Variants in PRKCZ observed in about 807,000 individuals in gnomAD.
PRKCZ encodes the protein protein kinase C zeta, also known as protein kinase C zeta type.
PRKCZ carries 33 observed loss-of-function variants against 79.5 expected under a neutral mutation model. The observed-to-expected ratio is 0.41, with a 90% CI of 0.31 to 0.55. PRKCZ has a LOEUF of 0.55. Ranked by LOEUF, PRKCZ falls within the 20% of genes least tolerant of loss-of-function variation. PRKCZ has a pLI of 0.19. For missense variants in PRKCZ, 578 were observed against 813.5 expected (o/e 0.71, Z 3.52); for synonymous variants, 342 against 320.9 (o/e 1.07, Z -0.70).
rs140890348 is a variant in PRKCZ at position 2,184,669 on chromosome 1, C to G, written c.1662C>G (p.Ser554Arg). 1 of 1,613,836 alleles carries G rather than the reference C, an allele frequency of 6.2e-7. No individual in the cohort carries two copies. Among genetic ancestry groups the G allele is most frequent in the Non-Finnish European group, 8.5e-7 (1 of 1,179,936 alleles). Residue 554 changes from serine to arginine, a missense_variant, in exon 17 of 18, where the codon AGC becomes AGG. Ser to Arg is a moderately radical substitution (Grantham distance 110, BLOSUM62 -1). This residue lies in a region of PRKCZ where 243 missense variants were observed against 467.0 expected (regional missense o/e 0.52). Transcript: ENST00000378567. ...GLDNFDTQFT[S>R]EPVQLTPDDE... Reference sequence around the variant, plus strand: ...ACAACTTTGACACACAGTTCACCAGCGAGCCCGTGCAGCTGACCCCAGACG... The same window carrying G: ...ACAACTTTGACACACAGTTCACCAGGGAGCCCGTGCAGCTGACCCCAGACG...
chr1:2,105,929 C>T (rs558590172), intron 4 of PRKCZ, among the ~76,000 whole-genome samples: 1 of 152,320 alleles, frequency 6.6e-6, no homozygotes, highest in Admixed American at 6.5e-5. Context: ...GCCCCACCCC[C>T]CCACACACAC....
chr1:2,167,464 C>T (rs867565629), intron 10 of PRKCZ, among the ~76,000 whole-genome samples: 2 of 151,986 alleles, frequency 1.3e-5, no homozygotes, highest in Non-Finnish European at 2.9e-5. Flanking sequence ...CCTTCCCAGG[C>T]GCCGCAGCAG....
intron 4 of PRKCZ, among the ~76,000 whole-genome samples, chr1:2,078,732 G>A (rs1557508580): frequency 6.6e-6 from 1 of 151,868 alleles, no homozygotes; most frequent in Non-Finnish European, 1.5e-5. Context: ...CTTTGTTTAT[G>A]TTATATGCTA....
rs538637223 is a variant in PRKCZ, at chr1:2,165,851, G to C, written c.975-3667G>C. On this transcript the variant is annotated intron_variant, in intron 10 of 17. Transcript: ENST00000378567. The surrounding 1 kb of genome is among the most constrained non-coding windows in gnomAD (Gnocchi z 4.1). ...GTGGGGGGAGTGGCGAGGAGGGGGC[G>C]GCACCAAGGACAGGGCCCACCTCCT... Among the ~76,000 whole-genome samples, 1 of 152,100 alleles carries C rather than the reference G, an allele frequency of 6.6e-6. No individual in the cohort carries two copies. Among genetic ancestry groups the C allele is most frequent in the Non-Finnish European group, 1.5e-5 (1 of 68,002 alleles).
At chr1:2,175,195 C>T (rs1234988952) in intron 15 of PRKCZ, 29 bp from the exon 16 acceptor site, 2 of 1,599,976 alleles carry the variant, frequency 1.3e-6, no homozygotes, top group African/African-American at 1.3e-5. Context: ...ATGGGGCTGA[C>T]TTGTCCTTGT....
rs1663819007 is a variant in PRKCZ, at chr1:2,082,840, C to A, written c.334+23249C>A. 6.7e-6 allele frequency among the ~76,000 whole-genome samples: 1 copy of A among 150,088 alleles called. No individual in the cohort carries two copies. Among genetic ancestry groups the A allele is most frequent in the African/African-American group, 2.5e-5 (1 of 40,782 alleles). On this transcript the variant is annotated intron_variant, in intron 4 of 17. Transcript: ENST00000378567. The surrounding 1 kb of genome is among the most constrained non-coding windows in gnomAD (Gnocchi z 4.4). ...AGCAGGGAGAGGGTGGAGGGGCGGC[C>A]AAGGGCGTGAGGGAGAGGGTGGAGG...
intron 4 of PRKCZ, among the ~76,000 whole-genome samples, chr1:2,070,213 G>C (rs983232314): frequency 6.6e-6 from 1 of 151,976 alleles, no homozygotes; most frequent in Non-Finnish European, 1.5e-5. Context: ...TGGCATACCC[G>C]GGCAGCGGGA....
chr1:2,099,794 T>G (rs529397002), intron 4 of PRKCZ, among the ~76,000 whole-genome samples: 1 of 152,156 alleles, frequency 6.6e-6, no homozygotes, highest in Non-Finnish European at 1.5e-5. Context: ...GTGACCTATT[T>G]CCCGTTCCAA....
At position 2,102,635 on chromosome 1, in the gene PRKCZ, GT is replaced by G. The variant is rs565263268; in HGVS notation, c.335-32622del. ...GTGTGAGCCACCGTGCCCGGCCCTC[GT>G]TTTTGTTTGTTTTACTTTGTTATGA... On this transcript the variant is annotated intron_variant, in intron 4 of 17. Transcript: ENST00000378567. Among the ~76,000 whole-genome samples the G allele has an allele frequency of 1.9e-3, 290 of 152,100 alleles. 3 individuals are homozygous for G. Among genetic ancestry groups the G allele is most frequent in the Middle Eastern group, 0.01 (3 of 294 alleles).
intron 4 of PRKCZ, among the ~76,000 whole-genome samples, chr1:2,079,015 T>C (rs1273134832): frequency 1.3e-5 from 2 of 152,184 alleles, no homozygotes; most frequent in Non-Finnish European, 2.9e-5. Context: ...GCTAATTTTT[T>C]GTAGTTTTAG....
intron 4 of PRKCZ, 72 bp downstream of exon 4, chr1:2,059,663 G>A (rs903955790): frequency 9.5e-6 from 15 of 1,575,980 alleles, no homozygotes; most frequent in Non-Finnish European, 1.3e-5. Flanking sequence ...GTGCCACGGA[G>A]GTGGCAGTGG....
chr1:2,103,839 G>A (rs1375656917), intron 4 of PRKCZ, among the ~76,000 whole-genome samples: 5 of 152,210 alleles, frequency 3.3e-5, no homozygotes, highest in Non-Finnish European at 7.3e-5. Context: ...TGTGGTCTCT[G>A]GGGGCTGCAC....
At chr1:2,144,394 G>T (rs1377654925) in intron 6 of PRKCZ, 53 bp downstream of exon 6, 10 of 1,539,742 alleles carry the variant, frequency 6.5e-6, no homozygotes, top group Non-Finnish European at 7.9e-6. Context: ...TCGGGGCGTG[G>T]CAGCCAGCCC....
intron 4 of PRKCZ, among the ~76,000 whole-genome samples, chr1:2,072,821 G>A (rs530272387): frequency 4.3e-4 from 65 of 152,106 alleles, no homozygotes; most frequent in Non-Finnish European, 8.2e-4. Context: ...ACTGGTCAGA[G>A]CCAGAGGTCT....
chr1:2,126,828 C>T (rs1673996169), intron 4 of PRKCZ, among the ~76,000 whole-genome samples: 1 of 152,242 alleles, frequency 6.6e-6, no homozygotes, highest in Non-Finnish European at 1.5e-5. Flanking sequence ...TGCATTGTGG[C>T]AGGGACACGG....
chr1:2,177,473 GTC>G lies in PRKCZ; in HGVS notation c.1575+2165_1575+2166del, dbSNP rs1273629778. On this transcript the variant is annotated intron_variant, in intron 16 of 17. Transcript: ENST00000378567. The surrounding 1 kb of genome is among the most constrained non-coding windows in gnomAD (Gnocchi z 6.4). ...TGGTGCCAGCCGGGCCCCTGATCTTGTCTCTCAACCACTCTTGGTTTACCGGG... is the reference window on the plus strand; with the variant it reads ...TGGTGCCAGCCGGGCCCCTGATCTTGTCTCAACCACTCTTGGTTTACCGGG... Among the ~76,000 whole-genome samples the G allele has an allele frequency of 1.3e-5, 2 of 152,158 alleles. No individual in the cohort carries two copies. Among genetic ancestry groups the G allele is most frequent in the Non-Finnish European group, 2.9e-5 (2 of 68,018 alleles).
rs1421369405 is a variant in PRKCZ at position 2,075,637 on chromosome 1, C to T, written c.334+16046C>T. Among the ~76,000 whole-genome samples, 1 of 152,208 alleles carries T rather than the reference C, an allele frequency of 6.6e-6. No homozygotes were observed. The highest frequency in any genetic ancestry group is 1.5e-5 in the Non-Finnish European group (1 of 68,042). On this transcript the variant is annotated intron_variant, in intron 4 of 17. Coordinates refer to ENST00000378567, the MANE Select transcript of PRKCZ (RefSeq NM_002744.6). This position sits in a 1 kb window ranked among gnomAD's most constrained non-coding sequence, Gnocchi z 4.8. ...TCCTCTGCCCAACTCCGAGCTTGGT[C>T]CCACCTCCCAGACTCACCTCTGGGC...
chr1:2,069,625 C>G (rs988131934), intron 4 of PRKCZ, among the ~76,000 whole-genome samples: 1 of 152,304 alleles, frequency 6.6e-6, no homozygotes, highest in Non-Finnish European at 1.5e-5. Context: ...CAGCCAGGGC[C>G]CTTTCTGCCA....
At chr1:2,050,283 G>T (rs1034033772), upstream of PRKCZ, among the ~76,000 whole-genome samples, 1 of 151,692 alleles carries the variant, frequency 6.6e-6, no homozygotes, top group Non-Finnish European at 1.5e-5. Flanking sequence ...TTGGGCCGCG[G>T]CCGGGTGTCC....
Sources: gnomAD v4.1 joint callset for allele counts (sites outside exome capture counted in the v4.1 genomes callset) on GRCh38, gnomAD v4.1.1 for gene constraint, gnomAD v4.1.1 regional missense constraint, Gnocchi (gnomAD v3.1) non-coding constraint, MANE v1.5 for transcripts, NCBI Gene and HGNC (gene_info 2026-07-23, HGNC 2026-07-21) for gene names.